The following CLCC1 variants were observed in gnomAD, a reference collection of about 807,000 sequenced individuals.
CLCC1 encodes chloride channel CLIC-like protein 1.
In CLCC1, 39 loss-of-function variants were observed where a neutral mutation model predicts 63.3. The ratio of observed to expected loss-of-function variants is 0.62; its 90% CI spans 0.48 to 0.81. CLCC1 has a LOEUF of 0.81. Among genes scored for constraint, CLCC1 ranks in the 30% least tolerant of loss-of-function variants. CLCC1 has a pLI of 0.00. For synonymous variants in CLCC1, 217 were observed against 239.8 expected, an observed-to-expected ratio of 0.90 and a Z score of 0.88; for missense variants, 549 against 669.4, an observed-to-expected ratio of 0.82 and a Z score of 1.98.
chr1:108,940,582 G>GT (rs1653714781), intron 8 of CLCC1, among the ~76,000 whole-genome samples: 1 of 152,150 alleles, frequency 6.6e-6, no homozygotes, highest in Non-Finnish European at 1.5e-5. Context: ...TCTCTCTGTA[G>GT]TATTTCTTAC....
chr1:108,939,468 G>A lies in CLCC1; in HGVS notation c.1041+168C>T, dbSNP rs534990114. The stretch of plus-strand genomic sequence containing the variant: ...ACTACAGGCGCCCGCCACCACGCCC[G>A]GCTAATTTTTTGTATTTTTTTTAGT... On this transcript the variant is annotated intron_variant, in intron 10 of 12. Transcript: ENST00000369969. Among the ~76,000 whole-genome samples, 30 of 151,396 alleles carry A rather than the reference G, an allele frequency of 2.0e-4. No homozygotes were observed. The South Asian group carries it at 4.8e-3, about 24-fold the overall frequency.
chr1:108,957,322 G>C (rs1656048188), intron 2 of CLCC1, among the ~76,000 whole-genome samples: 1 of 151,290 alleles, frequency 6.6e-6, no homozygotes, highest in Admixed American at 6.6e-5. Context: ...CGGATAGAAG[G>C]GATATGCACC....
At chr1:108,935,213 T>C (rs1161313999) in intron 11 of CLCC1, among the ~76,000 whole-genome samples, 1 of 152,240 alleles carries the variant, frequency 6.6e-6, no homozygotes. Context: ...TCATCAGTAT[T>C]GTCAACTTCT....
chr1:108,954,085 G>C (rs985069838), intron 2 of CLCC1, among the ~76,000 whole-genome samples: 2 of 150,948 alleles, frequency 1.3e-5, no homozygotes, highest in Non-Finnish European at 1.5e-5. Flanking sequence ...GGGAATCCGA[G>C]GTATGGGTAA....
chr1:108,960,133 CAATT>C (rs2101730812), intron 2 of CLCC1, among the ~76,000 whole-genome samples: 1 of 152,146 alleles, frequency 6.6e-6, no homozygotes, highest in East Asian at 1.9e-4. Flanking sequence ...GACCCTGACT[CAATT>C]AAAAAACAAA....
In CLCC1 at chr1:108,931,545, G is replaced by A. The variant is rs907020868; in HGVS notation, c.*1002C>T. ...TTTCAAAAAGTCATTCAGGTGATTT[G>A]GATGGGCAAATAGAACTATTTCTCT... On this transcript the variant is annotated 3_prime_UTR_variant, in exon 13 of 13. Transcript: ENST00000369969. The A allele has an allele frequency of 1.3e-6, 2 of 1,499,620 alleles. No individual in the cohort carries two copies. Among genetic ancestry groups the A allele is most frequent in the African/African-American group, 2.8e-5 (2 of 70,722 alleles). The allele number at this position is 1,499,620 out of a possible 1,614,324, so 92.9% of individuals were successfully genotyped here. A position where few individuals can be genotyped will look rare whatever the true frequency, so the allele number is the denominator to read the frequency against.
chr1:108,956,874 TGGGAGGCAGGGAGGCG>T (rs1195599899), intron 2 of CLCC1, among the ~76,000 whole-genome samples: 2 of 23,986 alleles, frequency 8.3e-5, no homozygotes, highest in Admixed American at 4.3e-4. Flanking sequence ...GGGAATGAGC[TGGGAGGCAGGGAGGCG>T]GGGAGGCGGG....
intron 10 of CLCC1, among the ~76,000 whole-genome samples, chr1:108,938,127 T>C (rs1339845304): frequency 1.3e-5 from 2 of 152,198 alleles, no homozygotes; most frequent in African/African-American, 2.4e-5. Context: ...TTAAATTTGT[T>C]TTAACTCCTA....
chr1:108,937,230 G>A lies in CLCC1; in HGVS notation c.1230C>T (p.Gly410=), dbSNP rs2101626075. The change falls in exon 11 of 13, where the codon GGC becomes GGT. Residue 410 remains glycine, a synonymous_variant. Transcript: ENST00000369969. ...TACCCTCATACGTTTTGGCATAAGG[G>A]CCTTGCTCAGTGGGGCCCATTTGGC... ...YRGQMGPTEQ[G]PYAKTYEGRR... is the part of the protein sequence containing the mutation. The A allele has an allele frequency of 6.2e-7, 1 of 1,613,930 alleles. No homozygotes were observed. The highest frequency in any genetic ancestry group is 1.7e-5 in the Admixed American group (1 of 59,976).
intron 5 of CLCC1, among the ~76,000 whole-genome samples, chr1:108,944,647 T>G (rs939469510): frequency 2.0e-5 from 3 of 152,156 alleles, no homozygotes; most frequent in East Asian, 3.9e-4. Context: ...TTTTTTTTTT[T>G]TAGATGGAGT....
intron 10 of CLCC1, among the ~76,000 whole-genome samples, chr1:108,938,488 A>G (rs1653343129): frequency 6.6e-6 from 1 of 152,260 alleles, no homozygotes; most frequent in Non-Finnish European, 1.5e-5. Context: ...CAAAGTGAAC[A>G]GAGATAGTGA....
rs1003558369 is a variant in CLCC1, at chr1:108,932,340, TAAAC to T, written c.*203_*206del. On this transcript the variant is annotated 3_prime_UTR_variant, in exon 13 of 13. Coordinates refer to ENST00000369969, the MANE Select transcript of CLCC1 (RefSeq NM_001377458.1). The stretch of plus-strand genomic sequence containing the variant: ...TTTTAATGACATATTGGCTAGTCAA[TAAAC>T]AAGTCTTATCTCATCTCATCTCTTT... 7 of 152,178 alleles carry T rather than the reference TAAAC, an allele frequency of 4.6e-5. No individual in the cohort carries two copies. The highest frequency in any genetic ancestry group is 7.3e-5 in the Non-Finnish European group (5 of 68,032). 9.4% of individuals were successfully genotyped at this position (152,178 alleles called of 1,614,324 possible).
Position 108,929,821 on chromosome 1 carries a change from C to T in CLCC1, c.*2726G>A. ...GTCCCAGGGAAAGAGAATGGATGAA[C>T]AGAGAGTTCTTTTACAAAGAGATCA... On this transcript the variant is annotated 3_prime_UTR_variant, in exon 13 of 13. Transcript: ENST00000369969. 6.2e-7 allele frequency: 1 copy of T among 1,614,026 alleles called. No homozygotes were observed. Among genetic ancestry groups the T allele is most frequent in the Non-Finnish European group, 8.5e-7 (1 of 1,179,938 alleles).
chr1:108,943,875 G>A lies in CLCC1; in HGVS notation c.522C>T (p.Phe174=), dbSNP rs138361021. ...FHDFETWKWR[F]EDSFGVDPYN... ...ATGGATCCACTCCAAAGGAATCTTC[G>A]AATCGCCACTTCCATGTTTCAAAAT... is the stretch of plus-strand genomic sequence containing the variant. Residue 174 remains phenylalanine (F), a synonymous_variant, in exon 6 of 13, where the codon TTC becomes TTT. Coordinates refer to ENST00000369969, the MANE Select transcript of CLCC1 (RefSeq NM_001377458.1). 5.4e-5 allele frequency: 87 copies of A among 1,613,740 alleles called. No homozygotes were observed. The highest frequency in any genetic ancestry group is 2.2e-4 in the East Asian group (10 of 44,874).
chr1:108,930,906 AGCAAGCAT>A lies in CLCC1; in HGVS notation c.*1633_*1640del, dbSNP rs1651842283. The stretch of plus-strand genomic sequence containing the variant: ...ACTCTGTCTCAAAAAAAAAAAAAAC[AGCAAGCAT>A]GCTGGCACACACCTGTAGTCCCAAC... On this transcript the variant is annotated 3_prime_UTR_variant, in exon 13 of 13. Transcript: ENST00000369969. The A allele has an allele frequency of 7.6e-6, 1 of 130,842 alleles. No homozygotes were observed. Among genetic ancestry groups the A allele is most frequent in the Non-Finnish European group, 1.6e-5 (1 of 62,686 alleles). 8.1% of individuals were successfully genotyped at this position (130,842 alleles called of 1,614,324 possible). A position where few individuals can be genotyped will look rare whatever the true frequency, so the allele number is the denominator to read the frequency against.
intron 2 of CLCC1, among the ~76,000 whole-genome samples, chr1:108,952,032 C>T (rs938910403): frequency 2.0e-5 from 3 of 152,148 alleles, no homozygotes; most frequent in African/African-American, 7.2e-5. Context: ...CCCACCTCGG[C>T]CTCCCAAAGT....
intron 8 of CLCC1, among the ~76,000 whole-genome samples, 195 bp from the exon 9 acceptor site, chr1:108,940,337 A>G (rs1653682303): frequency 6.6e-6 from 1 of 152,236 alleles, no homozygotes; most frequent in Admixed American, 6.5e-5. Flanking sequence ...TGTTTTAAAA[A>G]TCCATTCAAA....
intron 10 of CLCC1, among the ~76,000 whole-genome samples, chr1:108,938,942 A>G (rs1041589085): frequency 6.6e-6 from 1 of 152,024 alleles, no homozygotes; most frequent in African/African-American, 2.4e-5. Flanking sequence ...AGTAAGTATA[A>G]TATGTCTGTA....
chr1:108,947,088 C>T (rs554934356), intron 5 of CLCC1, among the ~76,000 whole-genome samples: 92 of 151,950 alleles, frequency 6.1e-4, no homozygotes, highest in African/African-American at 2.2e-3. Context: ...TGCTGGAACC[C>T]GGGAGGCAGA....
Sources: gnomAD v4.1 joint callset for allele counts (sites outside exome capture counted in the v4.1 genomes callset) on GRCh38, gnomAD v4.1.1 for gene constraint, MANE v1.5 for transcripts, NCBI Gene and HGNC (gene_info 2026-07-23, HGNC 2026-07-21) for gene names.